Variants in WIPF3 observed in about 807,000 individuals in gnomAD.
WIPF3 encodes the protein WAS/WASL interacting protein family member 3, also known as WAS/WASL-interacting protein family member 3.
WIPF3 carries 33 observed loss-of-function variants against 38.9 expected under a neutral mutation model. The observed-to-expected ratio is 0.85, with a 90% confidence interval of 0.64 to 1.14. The LOEUF is 1.14. WIPF3 is among the 50% of genes most tolerant of loss of function. The pLI is 0.00. For missense variants in WIPF3, 711 were observed against 652.5 expected, an observed-to-expected ratio of 1.09 and a Z score of -0.98; for synonymous variants, 324 against 269.3, an observed-to-expected ratio of 1.20 and a Z score of -1.99.
chr7:29,888,498 T>C (rs1180604601), intron 6 of WIPF3, among the ~76,000 whole-genome samples: 1 of 38,570 alleles, frequency 2.6e-5, no homozygotes, highest in East Asian at 3.7e-3. Flanking sequence ...TGTGTGCGTG[T>C]GCGTGTGTGT....
chr7:29,871,687 A>G (rs1785499562), intron 2 of WIPF3, among the ~76,000 whole-genome samples: 1 of 152,142 alleles, frequency 6.6e-6, no homozygotes, highest in Non-Finnish European at 1.5e-5. Flanking sequence ...AAGGCAGTTG[A>G]CTCATTTGTT....
At chr7:29,850,634 G>C (rs952326519) in intron 2 of WIPF3, among the ~76,000 whole-genome samples, 1 of 152,176 alleles carries the variant, frequency 6.6e-6, no homozygotes, top group East Asian at 1.9e-4. Flanking sequence ...AGAGATTCAG[G>C]CTCACACAGG....
At chr7:29,859,343 A>T (rs1785238279) in intron 2 of WIPF3, among the ~76,000 whole-genome samples, 1 of 152,208 alleles carries the variant, frequency 6.6e-6, no homozygotes, top group Non-Finnish European at 1.5e-5. Flanking sequence ...CGGGAAGATC[A>T]AAGGCCATCT....
intron 1 of WIPF3, among the ~76,000 whole-genome samples, chr7:29,829,385 T>A (rs1784680587): frequency 1.3e-5 from 2 of 151,786 alleles, no homozygotes; most frequent in Middle Eastern, 3.4e-3. Flanking sequence ...CCTGGCTAAT[T>A]TTTTTGTATT....
Position 29,807,403 on chromosome 7 carries a change from T to A in WIPF3, c.-58+725T>A, listed in dbSNP as rs184567281. Reference sequence around the variant, plus strand: ...GAGGATTAGGTGGTGGGTAGGTAGGTGGCAGAGCAGATTTCCCCCAGCCCC... The same window carrying A: ...GAGGATTAGGTGGTGGGTAGGTAGGAGGCAGAGCAGATTTCCCCCAGCCCC... On this transcript the variant is annotated intron_variant, in intron 1 of 8. Coordinates refer to ENST00000242140, the MANE Select transcript of WIPF3 (RefSeq NM_001080529.3). 3.9e-5 allele frequency among the ~76,000 whole-genome samples: 6 copies of A among 152,188 alleles called. No homozygotes were observed. The East Asian group carries it at 1.2e-3, about 30-fold the overall frequency.
At chr7:29,885,722 A>G (rs1785861748) in intron 5 of WIPF3, among the ~76,000 whole-genome samples, 1 of 152,172 alleles carries the variant, frequency 6.6e-6, no homozygotes, top group South Asian at 2.1e-4. Flanking sequence ...AGGCTAAGGC[A>G]GGAGGATCGT....
At chr7:29,830,520 T>C (rs1164063115) in intron 1 of WIPF3, among the ~76,000 whole-genome samples, 2 of 150,252 alleles carry the variant, frequency 1.3e-5, no homozygotes, top group Admixed American at 1.3e-4. Flanking sequence ...CTTGGGAGGC[T>C]GAGGTGGGAG....
At chr7:29,857,706 T>A (rs946542679) in intron 2 of WIPF3, among the ~76,000 whole-genome samples, 3 of 152,178 alleles carry the variant, frequency 2.0e-5, no homozygotes, top group African/African-American at 4.8e-5. Flanking sequence ...TAATGTATGA[T>A]TTTCTTTAAA....
intron 2 of WIPF3, among the ~76,000 whole-genome samples, chr7:29,841,232 G>A (rs955455752): frequency 6.6e-4 from 101 of 152,174 alleles, no homozygotes; most frequent in African/African-American, 1.4e-4. Context: ...ACTTCACACC[G>A]GCTCTGGAAG....
intron 2 of WIPF3, among the ~76,000 whole-genome samples, chr7:29,843,121 T>A (rs1784940851): frequency 1.3e-5 from 2 of 152,258 alleles, no homozygotes; most frequent in Admixed American, 6.5e-5. Flanking sequence ...ATTTTCCCTC[T>A]CTTCTTTGGT....
chr7:29,897,818 C>A (rs998999687), intron 7 of WIPF3, among the ~76,000 whole-genome samples: 1 of 152,194 alleles, frequency 6.6e-6, no homozygotes, highest in African/African-American at 2.4e-5. Context: ...CTTGGTGAAG[C>A]CTGGTTTTTA....
chr7:29,897,969 C>G (rs1415171337), intron 7 of WIPF3, among the ~76,000 whole-genome samples: 1 of 152,190 alleles, frequency 6.6e-6, no homozygotes, highest in Non-Finnish European at 1.5e-5. Context: ...TGGACCTACT[C>G]TGGTCCCTGA....
chr7:29,868,994 C>T (rs1443849168), intron 2 of WIPF3, among the ~76,000 whole-genome samples: 3 of 152,042 alleles, frequency 2.0e-5, no homozygotes, highest in African/African-American at 7.2e-5. Context: ...AGCACAACAT[C>T]CTGGCAATCT....
intron 1 of WIPF3, among the ~76,000 whole-genome samples, chr7:29,810,051 A>G (rs1041590128): frequency 1.3e-5 from 2 of 152,242 alleles, no homozygotes; most frequent in South Asian, 2.1e-4. Flanking sequence ...GTGAGTGCAC[A>G]TGTGTGTCTG....
At chr7:29,814,055 G>A (rs377264556) in intron 1 of WIPF3, among the ~76,000 whole-genome samples, 31 of 152,132 alleles carry the variant, frequency 2.0e-4, no homozygotes, top group African/African-American at 7.0e-4. Flanking sequence ...CAGGTAGCTG[G>A]GACTACAGGC....
At chr7:29,815,481 G>A (rs896132863) in intron 1 of WIPF3, among the ~76,000 whole-genome samples, 2 of 152,136 alleles carry the variant, frequency 1.3e-5, no homozygotes, top group African/African-American at 4.8e-5. Context: ...GAGTTTTAAG[G>A]GATGGTGTTT....
chr7:29,872,423 A>G (rs1785510912), intron 2 of WIPF3, among the ~76,000 whole-genome samples: 1 of 152,158 alleles, frequency 6.6e-6, no homozygotes, highest in African/African-American at 2.4e-5. Context: ...AATATACTGT[A>G]TATGGTCGCT....
At chr7:29,914,437 T>C (rs1373163879) in intron 8 of WIPF3, 56 bp from the exon 9 acceptor site, 7 of 1,388,518 alleles carry the variant, frequency 5.0e-6, no homozygotes, top group Non-Finnish European at 6.7e-6. Context: ...GAGGAAGGCT[T>C]TCATGTGCAA....
At chr7:29,874,508 G>T (rs1008888479) in intron 2 of WIPF3, among the ~76,000 whole-genome samples, 10 of 152,132 alleles carry the variant, frequency 6.6e-5, no homozygotes, top group South Asian at 2.1e-4. Flanking sequence ...GTCAGAAAAG[G>T]CCTCTGAAGT....
Sources: gnomAD v4.1 joint callset for allele counts (sites outside exome capture counted in the v4.1 genomes callset) on GRCh38, gnomAD v4.1.1 for gene constraint, MANE v1.5 for transcripts, NCBI Gene and HGNC (gene_info 2026-07-23, HGNC 2026-07-21) for gene names.